PPP1CC: variants seen among roughly 807,000 people sequenced by gnomAD.
The protein encoded by PPP1CC is serine/threonine-protein phosphatase PP1-gamma catalytic subunit.
A neutral mutation model predicts 38.4 loss-of-function variants in PPP1CC; 16 were observed. The observed-to-expected ratio is 0.42, with a 90% confidence interval of 0.28 to 0.63. PPP1CC has a LOEUF of 0.63. Among genes scored for constraint, PPP1CC ranks in the 30% least tolerant of loss-of-function variants. The pLI is 0.25. For synonymous variants in PPP1CC, 158 were observed against 136.0 expected (o/e 1.16, Z -1.13); for missense variants, 170 against 391.3 (o/e 0.43, Z 4.77).
downstream of PPP1CC, among the ~76,000 whole-genome samples, chr12:110,718,801 C>T (rs865796375): frequency 2.0e-4 from 30 of 152,172 alleles, no homozygotes; most frequent in African/African-American, 6.3e-4. Flanking sequence ...CTTGGGTTAT[C>T]ACACACATCT....
the PPP1CC span, among the ~76,000 whole-genome samples, chr12:110,709,932 AAATAATAAT>A: frequency 0.024 from 3,480 of 142,044 alleles, 128 homozygotes; most frequent in African/African-American, 0.077. Flanking sequence ...AAAAACTCCA[AAATAATAAT>A]AATAATAATA....
In PPP1CC at chr12:110,721,099, T is replaced by C. The variant is rs201535026; in HGVS notation, c.949A>G (p.Ile317Val). The part of the protein sequence containing the change: ...TRPVTPPRGM[I>V]TKQAKK ...ATCTATTTCTTTGCTTGCTTTGTGA[T>C]CATACCCCTTGGAGGCGTTACAGGT... Residue 317 changes from isoleucine (I) to valine (V), a missense_variant, in exon 7 of 7, where the codon ATC becomes GTC. Physicochemically the swap from Ile to Val is conservative, Grantham distance 29. Coordinates refer to ENST00000335007, the MANE Select transcript of PPP1CC (RefSeq NM_002710.4). The C allele has an allele frequency of 3.1e-6, 5 of 1,613,964 alleles. No individual in the cohort carries two copies. In the Admixed American group the frequency reaches 8.3e-5, roughly 27 times the overall value.
At position 110,722,939 on chromosome 12, in the gene PPP1CC, A is replaced by C. The variant is rs1006912663; in HGVS notation, c.524-244T>G. Reference sequence around the variant, plus strand: ...GTAGGTTTAAACAGTACATGGAAACAATTATATTATACAGAACACTGTAAA... The same window carrying C: ...GTAGGTTTAAACAGTACATGGAAACCATTATATTATACAGAACACTGTAAA... On this transcript the variant is annotated intron_variant, in intron 4 of 6. Transcript: ENST00000335007. This position sits in a 1 kb window ranked among gnomAD's most constrained non-coding sequence, Gnocchi z 5.4. 1.3e-5 allele frequency among the ~76,000 whole-genome samples: 2 copies of C among 152,256 alleles called. No homozygotes were observed. Among genetic ancestry groups the C allele is most frequent in the Non-Finnish European group, 2.9e-5 (2 of 68,044 alleles).
intron 1 of PPP1CC, among the ~76,000 whole-genome samples, chr12:110,740,083 C>CTGT: frequency 6.6e-6 from 1 of 152,290 alleles, no homozygotes; most frequent in Middle Eastern, 3.4e-3. Flanking sequence ...AACCAACATG[C>CTGT]TGTTTTTCTT....
chr12:110,724,779 A>G lies in PPP1CC; in HGVS notation c.419-15T>C. On this transcript the variant is annotated splice_polypyrimidine_tract_variant and intron_variant, in intron 3 of 6. Transcript: ENST00000335007. ...TCTTCTTTTACCTGTGATTAAAAAG[A>G]GAGTATTACATTAAAAAGAGAGTAT... is the stretch of plus-strand genomic sequence containing the variant. 2 of 1,431,426 alleles carry G rather than the reference A, an allele frequency of 1.4e-6. No homozygotes were observed. Among genetic ancestry groups the G allele is most frequent in the Non-Finnish European group, 2.0e-6 (2 of 1,014,478 alleles). The allele number at this position is 1,431,426 out of a possible 1,614,324, so 88.7% of individuals were successfully genotyped here.
intron 1 of PPP1CC, chr12:110,732,253 A>T: frequency 2.9e-6 from 1 of 344,968 alleles, no homozygotes. Flanking sequence ...AGGTCAAGAG[A>T]TCCAGACCAT....
At chr12:110,718,409 A>G, downstream of PPP1CC, among the ~76,000 whole-genome samples, 1 of 152,220 alleles carries the variant, frequency 6.6e-6, no homozygotes, top group South Asian at 2.1e-4. Flanking sequence ...ATAGTATCAC[A>G]CTAATAATTA....
At chr12:110,721,276 C>A (rs972014790) in intron 6 of PPP1CC, 111 bp from the exon 7 acceptor site, 5 of 824,452 alleles carry the variant, frequency 6.1e-6, no homozygotes, top group Non-Finnish European at 7.8e-6. Flanking sequence ...ACTGCCCCAA[C>A]AACTGTAAAA....
At chr12:110,732,491 G>C (rs918560235) in intron 1 of PPP1CC, 1 of 152,420 alleles carries the variant, frequency 6.6e-6, no homozygotes, top group African/African-American at 2.4e-5. Flanking sequence ...GAGGACCATG[G>C]GTATCTCCTC....
intron 3 of PPP1CC, among the ~76,000 whole-genome samples, chr12:110,729,473 G>A (rs987409448): frequency 2.3e-4 from 35 of 152,328 alleles, no homozygotes; most frequent in Middle Eastern, 3.4e-3. Flanking sequence ...GATTACAGGC[G>A]TGAGCCACTG....
At chr12:110,718,165 G>C (rs1302205167), downstream of PPP1CC, among the ~76,000 whole-genome samples, 1 of 152,114 alleles carries the variant, frequency 6.6e-6, no homozygotes, top group Non-Finnish European at 1.5e-5. Context: ...CTTAAATCAA[G>C]GTACTTCAAG....
intron 1 of PPP1CC, among the ~76,000 whole-genome samples, chr12:110,735,957 C>T (rs1172137749): frequency 1.3e-5 from 2 of 152,008 alleles, no homozygotes; most frequent in South Asian, 2.1e-4. Context: ...CCCAGCTACT[C>T]GGGAGGCTGA....
the PPP1CC span, among the ~76,000 whole-genome samples, chr12:110,708,705 C>T: frequency 1.3e-5 from 2 of 151,756 alleles, no homozygotes; most frequent in Admixed American, 6.6e-5. Flanking sequence ...AAAAATTAGC[C>T]GGGCATGGTG....
chr12:110,720,117 A>G lies in PPP1CC; in HGVS notation c.*959T>C, dbSNP rs2069720989. On this transcript the variant is annotated 3_prime_UTR_variant, in exon 7 of 7. Transcript: ENST00000335007. ...CACCGCAGAATAAAGAATGTAGGCC[A>G]AAGAAAGCATAATCGGTCACTCGTA... 1.0e-5 allele frequency: 16 copies of G among 1,541,204 alleles called. No individual in the cohort carries two copies. Among genetic ancestry groups the G allele is most frequent in the Non-Finnish European group, 1.4e-5 (16 of 1,148,694 alleles).
chr12:110,711,430 A>G, the PPP1CC span, among the ~76,000 whole-genome samples: 1 of 152,072 alleles, frequency 6.6e-6, no homozygotes, highest in African/African-American at 2.4e-5. Context: ...TTGCTTAGGG[A>G]TACAAACACA....
Position 110,720,430 on chromosome 12 carries a change from CA to C in PPP1CC, c.*645del. On this transcript the variant is annotated 3_prime_UTR_variant, in exon 7 of 7. Transcript: ENST00000335007. ...AGAAACTTTGGCTTTAGGAAAGAGT[CA>C]CAAATATTTAAAAGAATGGCTTTGT... 1 of 473,904 alleles carries C rather than the reference CA, an allele frequency of 2.1e-6. No individual in the cohort carries two copies. Among genetic ancestry groups the C allele is most frequent in the Non-Finnish European group, 3.7e-6 (1 of 267,410 alleles). The allele number at this position is 473,904 out of a possible 1,614,324, so 29.4% of individuals were successfully genotyped here.
rs1234259790 is a variant in PPP1CC at position 110,728,397 on chromosome 12, C to CAA, written c.418+2130_418+2131dup. Among the ~76,000 whole-genome samples the CAA allele has an allele frequency of 9.0e-4, 71 of 78,578 alleles. 1 individual carries two copies. Among genetic ancestry groups the CAA allele is most frequent in the Admixed American group, 1.6e-3 (11 of 7,016 alleles). The allele number at this position is 78,578 out of a possible 152,430, so 51.6% of individuals were successfully genotyped here. ...TGGGCGACAGAGCGAGACTCCGTCT[C>CAA]AAAAAAAAAAAAAAAAACAAAAAAC... On this transcript the variant is annotated intron_variant, in intron 3 of 6. Coordinates refer to ENST00000335007, the MANE Select transcript of PPP1CC (RefSeq NM_002710.4).
At position 110,719,835 on chromosome 12, in the gene PPP1CC, G is replaced by GA; in HGVS notation, c.*1240dup. 3.1e-6 allele frequency: 1 copy of GA among 321,568 alleles called. No homozygotes were observed. Among genetic ancestry groups the GA allele is most frequent in the Non-Finnish European group, 5.7e-6 (1 of 175,876 alleles). The allele number at this position is 321,568 out of a possible 1,614,324, so 19.9% of individuals were successfully genotyped here. A position where few individuals can be genotyped will look rare whatever the true frequency, so the allele number is the denominator to read the frequency against. On this transcript the variant is annotated 3_prime_UTR_variant, in exon 7 of 7. Coordinates refer to ENST00000335007, the MANE Select transcript of PPP1CC (RefSeq NM_002710.4). Reference sequence around the variant, plus strand: ...GTGGTTTCCAGAGCAATTTATTCAGGAAAATCTATTCAATATGCCATCAAC... The same window carrying GA: ...GTGGTTTCCAGAGCAATTTATTCAGGAAAAATCTATTCAATATGCCATCAAC...
rs373674596 is a variant in PPP1CC, at chr12:110,739,577, G to A, written c.55+3076C>T. On this transcript the variant is annotated intron_variant, in intron 1 of 6. Transcript: ENST00000335007. ...TTCAGAACAACCCTTATGTATCAGAGGATTAAATCTGTAAGCACTTTCTGT... is the reference window on the plus strand; with the variant it reads ...TTCAGAACAACCCTTATGTATCAGAAGATTAAATCTGTAAGCACTTTCTGT... Among the ~76,000 whole-genome samples the A allele has an allele frequency of 1.3e-3, 197 of 152,208 alleles. 6 individuals carry two copies. In the South Asian group the frequency reaches 0.039, roughly 30 times the overall value.
Sources: allele counts gnomAD v4.1 joint callset (sites outside exome capture counted in the v4.1 genomes callset), GRCh38; gene constraint gnomAD v4.1.1; non-coding constraint Gnocchi (gnomAD v3.1); transcripts MANE v1.5; gene names NCBI Gene and HGNC (gene_info 2026-07-23, HGNC 2026-07-21).